GTF2A1: variants seen among roughly 807,000 people sequenced by gnomAD.
GTF2A1 encodes the protein general transcription factor IIA subunit 1.
In GTF2A1, 12 loss-of-function variants were observed where a neutral mutation model predicts 54.1. The observed-to-expected ratio is 0.22, with a 90% CI of 0.14 to 0.36. The LOEUF (loss-of-function observed/expected upper bound fraction) is 0.36, where lower values mean the gene tolerates loss of function less well. Among genes scored for constraint, GTF2A1 ranks in the 10% least tolerant of loss-of-function variants. The pLI, the probability that GTF2A1 is intolerant of heterozygous loss-of-function variation, is 1.00. For missense variants in GTF2A1, 335 were observed against 442.2 expected (o/e 0.76, Z 2.17); for synonymous variants, 145 against 152.0 (o/e 0.95, Z 0.34).
intron 8 of GTF2A1, among the ~76,000 whole-genome samples, chr14:81,184,856 G>A (rs188390598): frequency 2.6e-5 from 4 of 152,002 alleles, no homozygotes; most frequent in Non-Finnish European, 5.9e-5. Flanking sequence ...TAAATTTAAT[G>A]ATTGCAATAA....
intron 1 of GTF2A1, 123 bp downstream of exon 1, chr14:81,220,366 C>G (rs2140048776): frequency 2.3e-6 from 1 of 438,014 alleles, no homozygotes; most frequent in Non-Finnish European, 3.6e-6. Flanking sequence ...GCGGCGGCGG[C>G]GGCGGCCGCG....
chr14:81,184,322 A>G (rs1892696555), intron 8 of GTF2A1, among the ~76,000 whole-genome samples: 1 of 152,172 alleles, frequency 6.6e-6, no homozygotes, highest in South Asian at 2.1e-4. Context: ...GAGACTTCCT[A>G]ACAATAAAGA....
chr14:81,203,461 A>T (rs1364593250), intron 3 of GTF2A1, among the ~76,000 whole-genome samples: 1 of 152,228 alleles, frequency 6.6e-6, no homozygotes, highest in East Asian at 1.9e-4. Flanking sequence ...TTAAAAACTA[A>T]TCTGAAACAT....
rs1048278777 is a variant in GTF2A1, at chr14:81,178,485, T to A, written c.*1738A>T. 2 of 152,144 alleles carry A rather than the reference T, an allele frequency of 1.3e-5. No individual in the cohort carries two copies. Among genetic ancestry groups the A allele is most frequent in the African/African-American group, 4.8e-5 (2 of 41,422 alleles). 9.4% of individuals were successfully genotyped at this position (152,144 alleles called of 1,614,324 possible). A position where few individuals can be genotyped will look rare whatever the true frequency, so the allele number is the denominator to read the frequency against. On this transcript the variant is annotated 3_prime_UTR_variant, in exon 9 of 9. Coordinates refer to ENST00000553612, the MANE Select transcript of GTF2A1 (RefSeq NM_015859.4). ...TCAAAATAAAAGCTGTATTACCAGT[T>A]ATGGCATCTAAATAAAATCTAACTA...
chr14:81,206,076 A>G (rs1164797533), intron 2 of GTF2A1, among the ~76,000 whole-genome samples: 3 of 152,134 alleles, frequency 2.0e-5, no homozygotes, highest in Non-Finnish European at 2.9e-5. Context: ...TGAAATCATA[A>G]TTTTCTAAAT....
Position 81,211,875 on chromosome 14 carries a change from T to TTATATATATATATATATA in GTF2A1, c.132+4520_132+4537dup, listed in dbSNP as rs757044041. On this transcript the variant is annotated intron_variant, in intron 2 of 8. Coordinates refer to ENST00000553612, the MANE Select transcript of GTF2A1 (RefSeq NM_015859.4). ...ACATAATTAGAGTGTATCAAGTACT[T>TTATATATATATATATATA]TATATATATATATATATATATATAT... 5.2e-3 allele frequency among the ~76,000 whole-genome samples: 354 copies of TTATATATATATATATATA among 68,266 alleles called. 13 individuals carry two copies. The highest frequency in any genetic ancestry group is 7.3e-3 in the African/African-American group (145 of 19,764). 44.8% of individuals were successfully genotyped at this position (68,266 alleles called of 152,430 possible). A position where few individuals can be genotyped will look rare whatever the true frequency, so the allele number is the denominator to read the frequency against.
At chr14:81,198,507 T>G (rs1298575316) in intron 4 of GTF2A1, among the ~76,000 whole-genome samples, 1 of 152,208 alleles carries the variant, frequency 6.6e-6, no homozygotes, top group Non-Finnish European at 1.5e-5. Flanking sequence ...GGGATTATAT[T>G]ATGAATTTCT....
intron 1 of GTF2A1, among the ~76,000 whole-genome samples, chr14:81,217,702 G>A (rs547063949): frequency 1.1e-3 from 170 of 152,258 alleles, no homozygotes; most frequent in African/African-American, 4.0e-3. Flanking sequence ...TGAGGTGGGA[G>A]GATGGCTTGA....
rs1459407366 is a variant in GTF2A1 at position 81,178,218 on chromosome 14, T to C, written c.*2005A>G. ...CTACTAGATAGCCAAAGGGTTTCAC[T>C]TAAGCAACACTGCAGCACTGCTGAA... On this transcript the variant is annotated 3_prime_UTR_variant, in exon 9 of 9. Coordinates refer to ENST00000553612, the MANE Select transcript of GTF2A1 (RefSeq NM_015859.4). The C allele has an allele frequency of 6.6e-6, 1 of 152,068 alleles. No homozygotes were observed. The highest frequency in any genetic ancestry group is 2.4e-5 in the African/African-American group (1 of 41,420). The allele number at this position is 152,068 out of a possible 1,614,324, so 9.4% of individuals were successfully genotyped here. A position where few individuals can be genotyped will look rare whatever the true frequency, so the allele number is the denominator to read the frequency against.
intron 2 of GTF2A1, among the ~76,000 whole-genome samples, chr14:81,207,557 A>G (rs1200122579): frequency 1.3e-5 from 2 of 152,208 alleles, no homozygotes; most frequent in African/African-American, 4.8e-5. Context: ...TTGCTGAAAA[A>G]ATACCTGAAA....
At chr14:81,185,404 G>A (rs1410894132) in intron 8 of GTF2A1, 127 bp downstream of exon 8, 5 of 540,810 alleles carry the variant, frequency 9.2e-6, no homozygotes, top group African/African-American at 3.8e-5. Flanking sequence ...CAGGGTTTTC[G>A]TACTATTCAT....
chr14:81,210,606 G>A (rs1161771578), intron 2 of GTF2A1, among the ~76,000 whole-genome samples: 1 of 152,162 alleles, frequency 6.6e-6, no homozygotes, highest in Non-Finnish European at 1.5e-5. Context: ...CCGGGCTGGA[G>A]TGCAATGGTG....
At chr14:81,215,090 A>G (rs999906222) in intron 2 of GTF2A1, among the ~76,000 whole-genome samples, 21 of 152,242 alleles carry the variant, frequency 1.4e-4, no homozygotes, top group African/African-American at 4.3e-4. Context: ...GAATTTTCCA[A>G]CATTATGCAT....
intron 4 of GTF2A1, among the ~76,000 whole-genome samples, chr14:81,199,381 T>C (rs1566856592): frequency 6.6e-6 from 1 of 152,196 alleles, no homozygotes; most frequent in Admixed American, 6.5e-5. Context: ...AATAATGCAT[T>C]AGACCAATCA....
Position 81,177,202 on chromosome 14 carries a change from C to G in GTF2A1, c.*3021G>C, listed in dbSNP as rs1466535428. 6.6e-6 allele frequency: 1 copy of G among 152,050 alleles called. No homozygotes were observed. The highest frequency in any genetic ancestry group is 2.4e-5 in the African/African-American group (1 of 41,424). The allele number at this position is 152,050 out of a possible 1,614,324, so 9.4% of individuals were successfully genotyped here. ...CTCAAGTCTTGATGTAATCTTAGAA[C>G]AAGAAAGTGGCTTTGCTTTTAAAAG... On this transcript the variant is annotated 3_prime_UTR_variant, in exon 9 of 9. Coordinates refer to ENST00000553612, the MANE Select transcript of GTF2A1 (RefSeq NM_015859.4).
rs932259828 is a variant in GTF2A1 at position 81,176,509 on chromosome 14, A to C, written c.*3714T>G. On this transcript the variant is annotated 3_prime_UTR_variant, in exon 9 of 9. Transcript: ENST00000553612. The stretch of plus-strand genomic sequence containing the variant: ...GTAGTAACTTCCCTTAAAAGAGAAA[A>C]GTTTTTTTGTTCCTCAAAATAAACA... 2.0e-5 allele frequency: 3 copies of C among 152,290 alleles called. No homozygotes were observed. In the East Asian group the frequency reaches 5.8e-4, roughly 29 times the overall value. 9.4% of individuals were successfully genotyped at this position (152,290 alleles called of 1,614,324 possible).
At chr14:81,201,716 A>G (rs1445932633) in intron 3 of GTF2A1, 58 bp from the exon 4 acceptor site, 3 of 1,134,252 alleles carry the variant, frequency 2.6e-6, no homozygotes, top group Non-Finnish European at 4.0e-6. Flanking sequence ...TTATAATCAC[A>G]AGAACACTTT....
intron 7 of GTF2A1, 114 bp downstream of exon 7, chr14:81,192,405 T>C (rs1892894002): frequency 6.7e-6 from 5 of 741,558 alleles, no homozygotes; most frequent in African/African-American, 1.7e-5. Flanking sequence ...AAATCTTATG[T>C]TGTACAGCAC....
At chr14:81,201,729 A>G in intron 3 of GTF2A1, 71 bp from the exon 4 acceptor site, 3 of 1,007,390 alleles carry the variant, frequency 3.0e-6, no homozygotes, top group Non-Finnish European at 4.7e-6. Context: ...AACACTTTAC[A>G]TACAATGATG....
Sources: gnomAD v4.1 joint callset for allele counts (sites outside exome capture counted in the v4.1 genomes callset) on GRCh38, gnomAD v4.1.1 for gene constraint, MANE v1.5 for transcripts, NCBI Gene and HGNC (gene_info 2026-07-23, HGNC 2026-07-21) for gene names.